CCDC7: variants seen among roughly 807,000 people sequenced by gnomAD.
CCDC7 encodes coiled-coil domain-containing protein 7.
In CCDC7, 183 loss-of-function variants were observed where a neutral mutation model predicts 196.9. That is an observed-to-expected ratio of 0.93 (90% CI 0.82 to 1.05). The LOEUF (loss-of-function observed/expected upper bound fraction) is 1.05, where lower values mean the gene tolerates loss of function less well. Ranked by LOEUF, CCDC7 falls within the 50% of genes least tolerant of loss-of-function variation. The pLI is 0.00. For synonymous variants in CCDC7, 525 were observed against 484.6 expected (o/e 1.08, Z -1.10); for missense variants, 1,540 against 1,482.2 (o/e 1.04, Z -0.64).
At chr10:32,674,421 T>C (rs1402932444) in intron 21 of CCDC7, among the ~76,000 whole-genome samples, 1 of 152,122 alleles carries the variant, frequency 6.6e-6, no homozygotes, top group African/African-American at 2.4e-5. Flanking sequence ...TACTGATTTC[T>C]AGTTTCATAC....
At chr10:32,553,925 A>G (rs539797639) in intron 13 of CCDC7, among the ~76,000 whole-genome samples, 44 of 152,222 alleles carry the variant, frequency 2.9e-4, no homozygotes, top group African/African-American at 9.9e-4. Context: ...CAGGGTGGGT[A>G]GGGAAGGACC....
intron 9 of CCDC7, among the ~76,000 whole-genome samples, chr10:32,515,362 A>G (rs974523320): frequency 1.3e-5 from 2 of 152,214 alleles, no homozygotes; most frequent in Non-Finnish European, 2.9e-5. Flanking sequence ...TGTTACTGGC[A>G]TAAGGCTAGA....
At chr10:32,507,175 T>C (rs560509001) in intron 9 of CCDC7, among the ~76,000 whole-genome samples, 2 of 152,162 alleles carry the variant, frequency 1.3e-5, no homozygotes, top group African/African-American at 4.8e-5. Flanking sequence ...GTATTTTTAG[T>C]AGAGACGGGG....
At chr10:32,484,191 A>T (rs2203974) in intron 8 of CCDC7, among the ~76,000 whole-genome samples, 1 of 151,900 alleles carries the variant, frequency 6.6e-6, no homozygotes, top group African/African-American at 2.4e-5. Flanking sequence ...GTTTGTAGTT[A>T]TCTTTGAAGA....
At chr10:32,664,448 G>T (rs1222974010) in intron 21 of CCDC7, among the ~76,000 whole-genome samples, 1 of 151,840 alleles carries the variant, frequency 6.6e-6, no homozygotes, top group African/African-American at 2.4e-5. Flanking sequence ...TCTCTTAAAC[G>T]TTTCTCATTT....
chr10:32,508,793 GC>G (rs1480771569), intron 9 of CCDC7, among the ~76,000 whole-genome samples: 2 of 151,740 alleles, frequency 1.3e-5, no homozygotes, highest in Non-Finnish European at 2.9e-5. Flanking sequence ...ACCATGCCTG[GC>G]TAATTTTTTT....
chr10:32,465,992 A>T (rs2036682226), intron 5 of CCDC7, among the ~76,000 whole-genome samples: 2 of 152,190 alleles, frequency 1.3e-5, no homozygotes, highest in South Asian at 4.1e-4. Flanking sequence ...CTTTCTAAAT[A>T]ACTGTCAGAT....
At chr10:32,650,411 G>A (rs965441985) in intron 20 of CCDC7, among the ~76,000 whole-genome samples, 3 of 152,216 alleles carry the variant, frequency 2.0e-5, no homozygotes, top group Non-Finnish European at 4.4e-5. Context: ...CATGTGAGGA[G>A]AAGAGATGTA....
At chr10:32,445,798 G>T (rs962721336), upstream of CCDC7, among the ~76,000 whole-genome samples, 1 of 152,208 alleles carries the variant, frequency 6.6e-6, no homozygotes, top group African/African-American at 2.4e-5. Flanking sequence ...ACTGAAAAGA[G>T]CTTGAGGAGA....
chr10:32,731,379 T>A (rs995810081), intron 28 of CCDC7, among the ~76,000 whole-genome samples: 27 of 152,174 alleles, frequency 1.8e-4, no homozygotes, highest in Non-Finnish European at 3.8e-4. Flanking sequence ...AAATATGTAA[T>A]CCATTTACAA....
intron 6 of CCDC7, among the ~76,000 whole-genome samples, chr10:32,472,146 C>T (rs1160096534): frequency 1.3e-5 from 2 of 152,082 alleles, no homozygotes; most frequent in African/African-American, 4.8e-5. Flanking sequence ...GAACTTATGT[C>T]CTTCATCATT....
chr10:32,560,250 A>T lies in CCDC7; in HGVS notation c.1135-5308A>T, dbSNP rs1199826086. ...GGAACCAAGTTGGAAAACACTCTGC[A>T]AGATATTATCCAGGAGAACTTCCCC... On this transcript the variant is annotated intron_variant, in intron 13 of 41. Transcript: ENST00000639629. 5.3e-5 allele frequency among the ~76,000 whole-genome samples: 8 copies of T among 152,276 alleles called. No individual in the cohort carries two copies. The South Asian group carries it at 1.0e-3, about 20-fold the overall frequency.
upstream of CCDC7, among the ~76,000 whole-genome samples, chr10:32,446,900 GCCTGCCTC>G (rs201639228): frequency 2.8e-5 from 2 of 70,900 alleles, no homozygotes; most frequent in East Asian, 4.2e-4. Flanking sequence ...CTGCCTGCCT[GCCTGCCTC>G]CCTCCCTCCC....
intron 24 of CCDC7, among the ~76,000 whole-genome samples, chr10:32,703,034 A>G (rs2079030494): frequency 6.6e-6 from 1 of 152,112 alleles, no homozygotes; most frequent in Non-Finnish European, 1.5e-5. Context: ...TAATATTGTT[A>G]TGTGTGAATT....
chr10:32,553,922 G>A (rs1321008800), intron 13 of CCDC7, among the ~76,000 whole-genome samples: 1 of 152,160 alleles, frequency 6.6e-6, no homozygotes, highest in East Asian at 1.9e-4. Context: ...TACCAGGGTG[G>A]GTAGGGAAGG....
At chr10:32,483,076 T>A (rs961546183) in intron 8 of CCDC7, among the ~76,000 whole-genome samples, 1 of 152,352 alleles carries the variant, frequency 6.6e-6, no homozygotes, top group South Asian at 2.1e-4. Flanking sequence ...ATCACCACAC[T>A]GCCTTCCACA....
chr10:32,662,838 A>C (rs2071791632), intron 20 of CCDC7, among the ~76,000 whole-genome samples: 1 of 152,184 alleles, frequency 6.6e-6, no homozygotes, highest in Admixed American at 6.6e-5. Flanking sequence ...CCTAGGTCTG[A>C]GTTTGGTAAA....
At chr10:32,515,710 AT>A (rs59085645) in intron 9 of CCDC7, among the ~76,000 whole-genome samples, 100 of 145,524 alleles carry the variant, frequency 6.9e-4, no homozygotes, top group Admixed American at 4.8e-4. Flanking sequence ...CACCCGGCTA[AT>A]TTTTTTTTTT....
chr10:32,515,864 C>G (rs931940072), intron 9 of CCDC7, among the ~76,000 whole-genome samples: 5 of 152,062 alleles, frequency 3.3e-5, no homozygotes, highest in Non-Finnish European at 5.9e-5. Flanking sequence ...TTGCCATGCA[C>G]TAATGTCAAA....
Sources: allele counts gnomAD v4.1 joint callset (sites outside exome capture counted in the v4.1 genomes callset), GRCh38; gene constraint gnomAD v4.1.1; transcripts MANE v1.5; gene names NCBI Gene and HGNC (gene_info 2026-07-23, HGNC 2026-07-21).